Variants in TMEM132D observed in about 807,000 individuals in gnomAD.
TMEM132D encodes the protein mature OL transmembrane protein.
Under a neutral mutation model 62.3 loss-of-function variants are expected in TMEM132D, and 21 were observed. The observed-to-expected ratio is 0.34, with a 90% CI of 0.24 to 0.49. The LOEUF (loss-of-function observed/expected upper bound fraction) is 0.49, where lower values mean the gene tolerates loss of function less well. Among genes scored for constraint, TMEM132D ranks in the 20% least tolerant of loss-of-function variants. The probability of loss-of-function intolerance (pLI) is 0.99; values close to 1 mark genes in which losing one functional copy is unlikely to be tolerated. For missense variants in TMEM132D, 1,346 were observed against 1,402.8 expected (o/e 0.96, Z 0.65); for synonymous variants, 621 against 575.6 (o/e 1.08, Z -1.13).
chr12:129,237,027 T>G (rs1464733810), intron 4 of TMEM132D, among the ~76,000 whole-genome samples: 1 of 152,228 alleles, frequency 6.6e-6, no homozygotes, highest in East Asian at 1.9e-4. Flanking sequence ...GTATATCACA[T>G]TAATTGGTTT....
intron 2 of TMEM132D, among the ~76,000 whole-genome samples, chr12:129,621,380 G>A (rs1342439560): frequency 1.3e-5 from 2 of 152,014 alleles, no homozygotes; most frequent in South Asian, 2.1e-4. Flanking sequence ...GCTCAGCACC[G>A]CCACCCTCCC....
chr12:129,676,045 G>T (rs941190583), intron 2 of TMEM132D, among the ~76,000 whole-genome samples: 2 of 152,184 alleles, frequency 1.3e-5, no homozygotes, highest in Non-Finnish European at 2.9e-5. Context: ...TGTGTGCTAT[G>T]TGCCCAGCAC....
At chr12:129,543,367 TGGATGTAA>T (rs1395626563) in intron 2 of TMEM132D, among the ~76,000 whole-genome samples, 34 of 147,812 alleles carry the variant, frequency 2.3e-4, no homozygotes, top group African/African-American at 8.4e-4. Context: ...GGTGGATGGA[TGGATGTAA>T]GGATGGATGG....
At position 129,209,579 on chromosome 12, in the gene TMEM132D, T is replaced by C. The variant is rs1480988229; in HGVS notation, c.1384A>G (p.Thr462Ala). The change falls in exon 5 of 9, where the codon ACA becomes GCA. Residue 462 changes from threonine (T) to alanine (A), a missense_variant. Coordinates refer to ENST00000422113, the MANE Select transcript of TMEM132D (RefSeq NM_133448.3). ...VKVVSVEDDGTVTELLESVEC... is the reference protein window; with the variant it reads ...VKVVSVEDDGAVTELLESVEC... Reference sequence around the variant, plus strand: ...ACAGACTCCAGCAGCTCTGTCACTGTGCCGTCGTCCTCCACGGAGACCACT... The same window carrying C: ...ACAGACTCCAGCAGCTCTGTCACTGCGCCGTCGTCCTCCACGGAGACCACT... 2 of 1,614,214 alleles carry C rather than the reference T, an allele frequency of 1.2e-6. No individual in the cohort carries two copies. Among genetic ancestry groups the C allele is most frequent in the Admixed American group, 1.7e-5 (1 of 60,030 alleles).
At chr12:129,487,905 C>A (rs1232278105) in intron 3 of TMEM132D, among the ~76,000 whole-genome samples, 1 of 137,108 alleles carries the variant, frequency 7.3e-6, no homozygotes, top group African/African-American at 2.8e-5. Flanking sequence ...CCACTGTACT[C>A]CAACCTGGGC....
chr12:129,862,189 G>A (rs544676336), intron 1 of TMEM132D, among the ~76,000 whole-genome samples: 2 of 152,296 alleles, frequency 1.3e-5, no homozygotes, highest in Middle Eastern at 6.8e-3. Flanking sequence ...GTCTGTCTGG[G>A]AAGTGGGAAA....
chr12:129,259,318 G>C (rs1444179818), intron 4 of TMEM132D, among the ~76,000 whole-genome samples: 1 of 152,236 alleles, frequency 6.6e-6, no homozygotes, highest in Non-Finnish European at 1.5e-5. Flanking sequence ...TGACATCTGA[G>C]CTGTTGCCTG....
At chr12:129,198,272 T>C (rs1184859003) in intron 5 of TMEM132D, among the ~76,000 whole-genome samples, 3 of 152,200 alleles carry the variant, frequency 2.0e-5, no homozygotes, top group Non-Finnish European at 2.9e-5. Context: ...CTCGAAAAAC[T>C]AAAATAGAAT....
chr12:129,327,254 C>T (rs552362545), intron 4 of TMEM132D, among the ~76,000 whole-genome samples: 1 of 152,102 alleles, frequency 6.6e-6, no homozygotes, highest in Non-Finnish European at 1.5e-5. Flanking sequence ...AGGAAAGACC[C>T]CAGGGGCACA....
At chr12:129,384,171 T>G (rs749126756) in intron 3 of TMEM132D, among the ~76,000 whole-genome samples, 3 of 152,198 alleles carry the variant, frequency 2.0e-5, no homozygotes, top group Non-Finnish European at 2.9e-5. Context: ...CCAAACCTTA[T>G]GTATAAAAAT....
intron 2 of TMEM132D, among the ~76,000 whole-genome samples, chr12:129,544,121 G>A (rs1281193309): frequency 6.6e-6 from 1 of 152,120 alleles, no homozygotes; most frequent in Admixed American, 6.5e-5. Flanking sequence ...TAAAGTCCTT[G>A]TTTTCTTTCT....
In TMEM132D at chr12:129,371,781, C is replaced by T. The variant is rs140421613; in HGVS notation, c.1116-33964G>A. Among the ~76,000 whole-genome samples, 1 of 152,088 alleles carries T rather than the reference C, an allele frequency of 6.6e-6. No homozygotes were observed. Among genetic ancestry groups the T allele is most frequent in the African/African-American group, 2.4e-5 (1 of 41,410 alleles). ...TACATAGCTTTACGTATCTGCTGAA[C>T]CTAGTTCAGTGTGTGGTGATATCAA... On this transcript the variant is annotated intron_variant, in intron 3 of 8. Coordinates refer to ENST00000422113, the MANE Select transcript of TMEM132D (RefSeq NM_133448.3). This position sits in a 1 kb window ranked among gnomAD's most constrained non-coding sequence, Gnocchi z 4.3.
intron 1 of TMEM132D, among the ~76,000 whole-genome samples, chr12:129,768,562 C>A (rs1171591826): frequency 6.6e-6 from 1 of 151,910 alleles, no homozygotes; most frequent in Non-Finnish European, 1.5e-5. Context: ...GAATTGAAAA[C>A]AGAATCACCT....
chr12:129,490,407 A>C (rs964238751), intron 3 of TMEM132D, among the ~76,000 whole-genome samples: 1 of 143,962 alleles, frequency 6.9e-6, no homozygotes, highest in Non-Finnish European at 1.5e-5. Context: ...TCACCTGAAC[A>C]TCATAATTTC....
chr12:129,134,172 G>T (rs1158102665), intron 5 of TMEM132D, among the ~76,000 whole-genome samples: 1 of 151,132 alleles, frequency 6.6e-6, no homozygotes, highest in Non-Finnish European at 1.5e-5. Context: ...GTGTCTGTGT[G>T]TGTGTGTCTG....
intron 1 of TMEM132D, among the ~76,000 whole-genome samples, chr12:129,755,609 T>C (rs1870144010): frequency 6.6e-6 from 1 of 152,236 alleles, no homozygotes; most frequent in African/African-American, 2.4e-5. Context: ...GTTATCTTTT[T>C]ATGCCCCTTT....
intron 7 of TMEM132D, 130 bp from the exon 8 acceptor site, chr12:129,078,855 C>T (rs1198537550): frequency 1.2e-6 from 1 of 848,134 alleles, no homozygotes; most frequent in African/African-American, 1.7e-5. Flanking sequence ...TGAGAACAGG[C>T]CTTTCCCACT....
chr12:129,604,938 A>C (rs913984267), intron 2 of TMEM132D, among the ~76,000 whole-genome samples: 2 of 152,222 alleles, frequency 1.3e-5, no homozygotes, highest in African/African-American at 4.8e-5. Context: ...GAGAAGGGGC[A>C]GTGAACAAGA....
chr12:129,523,351 C>T (rs1259072374), intron 3 of TMEM132D, among the ~76,000 whole-genome samples: 1 of 152,138 alleles, frequency 6.6e-6, no homozygotes, highest in African/African-American at 2.4e-5. Context: ...CAAACATGAG[C>T]CATGATCTAC....
Sources: allele counts gnomAD v4.1 joint callset (sites outside exome capture counted in the v4.1 genomes callset), GRCh38; gene constraint gnomAD v4.1.1; non-coding constraint Gnocchi (gnomAD v3.1); transcripts MANE v1.5; gene names NCBI Gene and HGNC (gene_info 2026-07-23, HGNC 2026-07-21).